PEX14: variants seen among roughly 807,000 people sequenced by gnomAD.
PEX14 encodes the protein peroxisomal biogenesis factor 14, also known as peroxisomal membrane protein PEX14.
In PEX14, 15 loss-of-function variants were observed where a neutral mutation model predicts 49.5. The observed-to-expected ratio is 0.30, with a 90% CI of 0.20 to 0.47. PEX14 has a LOEUF of 0.47. Ranked by LOEUF, PEX14 falls within the 20% of genes least tolerant of loss-of-function variation. PEX14 has a pLI of 1.00. For missense variants in PEX14, 398 were observed against 494.8 expected, an observed-to-expected ratio of 0.80 and a Z score of 1.86; for synonymous variants, 210 against 212.7, an observed-to-expected ratio of 0.99 and a Z score of 0.11.
At chr1:10,504,295 A>C (rs1284185386) in intron 2 of PEX14, among the ~76,000 whole-genome samples, 1 of 152,072 alleles carries the variant, frequency 6.6e-6, no homozygotes, top group Non-Finnish European at 1.5e-5. Flanking sequence ...TGCCATTATG[A>C]GTTTGTCTGA....
chr1:10,606,246 C>T (rs1641121833), intron 4 of PEX14, among the ~76,000 whole-genome samples: 1 of 152,244 alleles, frequency 6.6e-6, no homozygotes, highest in Non-Finnish European at 1.5e-5. Flanking sequence ...GACTGGCTCT[C>T]ATCCGTCTCG....
intron 2 of PEX14, among the ~76,000 whole-genome samples, chr1:10,532,178 T>G (rs911465003): frequency 6.6e-6 from 1 of 152,198 alleles, no homozygotes; most frequent in Non-Finnish European, 1.5e-5. Context: ...TCCCCCCCGC[T>G]TTTTTCCAAG....
At chr1:10,576,880 C>T (rs1640130467) in intron 3 of PEX14, among the ~76,000 whole-genome samples, 1 of 151,836 alleles carries the variant, frequency 6.6e-6, no homozygotes, top group South Asian at 2.1e-4. Context: ...CCTCTGCCTC[C>T]CAAGTAGCTG....
rs775373793 is a variant in PEX14 at position 10,474,953 on chromosome 1, C to T, written c.-14C>T. The T allele has an allele frequency of 6.9e-6, 11 of 1,605,584 alleles. No individual in the cohort carries two copies. The highest frequency in any genetic ancestry group is 1.3e-5 in the African/African-American group (1 of 74,864). ...CCTCGCCCAGCGGCGGTTGATTAGT[C>T]AGGCCTCAGAAAGATGGCGTCCTCG... On this transcript the variant is annotated 5_prime_UTR_variant, in exon 1 of 9. Transcript: ENST00000356607.
rs760049712 is a variant in PEX14 at position 10,630,004 on chromosome 1, T to G, written c.*17T>G. Reference sequence around the variant, plus strand: ...CGGGACTAGGGCTGCGCCTGCTGCCTCCAGCCCTGAGGATGGCATCTAGTG... The same window carrying G: ...CGGGACTAGGGCTGCGCCTGCTGCCGCCAGCCCTGAGGATGGCATCTAGTG... On this transcript the variant is annotated 3_prime_UTR_variant, in exon 9 of 9. Coordinates refer to ENST00000356607, the MANE Select transcript of PEX14 (RefSeq NM_004565.3). The surrounding 1 kb of genome is among the most constrained non-coding windows in gnomAD (Gnocchi z 4.1). The G allele has an allele frequency of 6.2e-7, 1 of 1,605,960 alleles. No homozygotes were observed. The highest frequency in any genetic ancestry group is 2.2e-5 in the East Asian group (1 of 44,724).
At chr1:10,576,831 A>G (rs1487831581) in intron 3 of PEX14, among the ~76,000 whole-genome samples, 1 of 150,630 alleles carries the variant, frequency 6.6e-6, no homozygotes, top group Non-Finnish European at 1.5e-5. Flanking sequence ...ATCTCAGCAC[A>G]CTGCAACCTC....
At chr1:10,513,803 A>G (rs780079214) in intron 2 of PEX14, among the ~76,000 whole-genome samples, 1 of 152,132 alleles carries the variant, frequency 6.6e-6, no homozygotes, top group Admixed American at 6.5e-5. Context: ...TGGCTGCTAT[A>G]TTGACTGGGA....
Position 10,623,575 on chromosome 1 carries a change from C to T in PEX14, c.487+454C>T, listed in dbSNP as rs1295488692. ...CTCAACAGGGCTCGCGTTCATTACC[C>T]AGTGCCCCAGCGATGGCCCAGATTA... On this transcript the variant is annotated intron_variant, in intron 6 of 8. Transcript: ENST00000356607. The surrounding 1 kb of genome is among the most constrained non-coding windows in gnomAD (Gnocchi z 4.4). Among the ~76,000 whole-genome samples the T allele has an allele frequency of 6.6e-6, 1 of 152,174 alleles. No homozygotes were observed. Among genetic ancestry groups the T allele is most frequent in the Non-Finnish European group, 1.5e-5 (1 of 68,026 alleles).
At chr1:10,604,454 T>TA (rs138935877) in intron 4 of PEX14, among the ~76,000 whole-genome samples, 1 of 152,002 alleles carries the variant, frequency 6.6e-6, no homozygotes, top group African/African-American at 2.4e-5. Flanking sequence ...GCCATCTCTG[T>TA]AAAAAAATTT....
At chr1:10,614,409 G>T (rs2124626508) in intron 4 of PEX14, among the ~76,000 whole-genome samples, 1 of 152,208 alleles carries the variant, frequency 6.6e-6, no homozygotes, top group South Asian at 2.1e-4. Context: ...AGCGGTGAGG[G>T]GTGAAGGGTG....
At chr1:10,489,725 G>C (rs1366279102) in intron 1 of PEX14, among the ~76,000 whole-genome samples, 1 of 152,174 alleles carries the variant, frequency 6.6e-6, no homozygotes, top group Non-Finnish European at 1.5e-5. Context: ...AGCTGCCTTG[G>C]CCTCCCTGAA....
At chr1:10,546,429 G>T (rs950969432) in intron 3 of PEX14, among the ~76,000 whole-genome samples, 2 of 151,982 alleles carry the variant, frequency 1.3e-5, no homozygotes, top group East Asian at 3.9e-4. Flanking sequence ...GCCGGGTGTG[G>T]TGACGCTTAC....
chr1:10,595,000 T>A (rs1640795983), intron 3 of PEX14, among the ~76,000 whole-genome samples: 1 of 152,050 alleles, frequency 6.6e-6, no homozygotes, highest in South Asian at 2.1e-4. Context: ...GGGGTTTTAT[T>A]AATCAATAGG....
chr1:10,564,007 T>G (rs905790927), intron 3 of PEX14, among the ~76,000 whole-genome samples: 1 of 152,214 alleles, frequency 6.6e-6, no homozygotes, highest in African/African-American at 2.4e-5. Flanking sequence ...AAACATGTTT[T>G]TATCTTCTGG....
chr1:10,527,200 A>T (rs964453558), intron 2 of PEX14, among the ~76,000 whole-genome samples: 2 of 132,338 alleles, frequency 1.5e-5, no homozygotes, highest in African/African-American at 5.4e-5. Flanking sequence ...TGATAGAGTG[A>T]GACTCTGTCT....
intron 4 of PEX14, among the ~76,000 whole-genome samples, chr1:10,616,222 C>G (rs1019038431): frequency 6.6e-6 from 1 of 152,096 alleles, no homozygotes; most frequent in African/African-American, 2.4e-5. Flanking sequence ...GAGGTCTTTG[C>G]GACTTGGATC....
chr1:10,533,420 C>T (rs888770080), intron 2 of PEX14, among the ~76,000 whole-genome samples: 4 of 152,118 alleles, frequency 2.6e-5, no homozygotes, highest in South Asian at 4.2e-4. Context: ...TGAAGTGTGC[C>T]GGGACTTTGT....
intron 2 of PEX14, among the ~76,000 whole-genome samples, chr1:10,496,930 C>G (rs1313953121): frequency 6.6e-6 from 1 of 151,140 alleles, no homozygotes; most frequent in Admixed American, 6.6e-5. Flanking sequence ...TGCATAATTG[C>G]TCAGAGGAAA....
At chr1:10,526,097 A>ATT (rs1297940571) in intron 2 of PEX14, among the ~76,000 whole-genome samples, 2 of 138,958 alleles carry the variant, frequency 1.4e-5, no homozygotes, top group Non-Finnish European at 3.1e-5. Flanking sequence ...AATTTTTTGT[A>ATT]TTTTTAGTAG....
Sources: gnomAD v4.1 joint callset for allele counts (sites outside exome capture counted in the v4.1 genomes callset) on GRCh38, gnomAD v4.1.1 for gene constraint, Gnocchi (gnomAD v3.1) non-coding constraint, MANE v1.5 for transcripts, NCBI Gene and HGNC (gene_info 2026-07-23, HGNC 2026-07-21) for gene names.